Variants in WNT2 observed in about 807,000 individuals in gnomAD.
The protein encoded by WNT2 is protein Wnt-2.
WNT2 carries 12 observed loss-of-function variants against 36.9 expected under a neutral mutation model. The ratio of observed to expected loss-of-function variants is 0.33; its 90% confidence interval spans 0.21 to 0.53. WNT2 has a LOEUF of 0.53. Ranked by LOEUF, WNT2 falls within the 20% of genes least tolerant of loss-of-function variation. The pLI, the probability that WNT2 is intolerant of heterozygous loss-of-function variation, is 0.95. For synonymous variants in WNT2, 163 were observed against 174.6 expected, an observed-to-expected ratio of 0.93 and a Z score of 0.52; for missense variants, 379 against 473.1, an observed-to-expected ratio of 0.80 and a Z score of 1.84.
rs902671668 is a variant in WNT2 at position 117,275,524 on chromosome 7, A to G, written c.*2631T>C. Among the ~76,000 whole-genome samples the G allele has an allele frequency of 2.0e-5, 3 of 152,206 alleles. No homozygotes were observed. The highest frequency in any genetic ancestry group is 7.2e-5 in the African/African-American group (3 of 41,454). On this transcript the variant is annotated 3_prime_UTR_variant, in exon 5 of 5. Transcript: ENST00000265441. The stretch of plus-strand genomic sequence containing the variant: ...ATTATCTTGGACCTAGAAAACTTCA[A>G]TTTATAGTAAGATTTTAATAAAGAG...
intron 3 of WNT2, 120 bp downstream of exon 3, chr7:117,314,951 C>G: frequency 7.1e-7 from 1 of 1,407,880 alleles, no homozygotes; most frequent in Non-Finnish European, 9.7e-7. Flanking sequence ...GGCTGGGGGA[C>G]AGTAGGAAGT....
At position 117,284,216 on chromosome 7, in the gene WNT2, C is replaced by T. The variant is rs897980009; in HGVS notation, c.854-5832G>A. 6.6e-6 allele frequency among the ~76,000 whole-genome samples: 1 copy of T among 152,192 alleles called. No homozygotes were observed. On this transcript the variant is annotated intron_variant, in intron 4 of 4. Transcript: ENST00000265441. This position sits in a 1 kb window ranked among gnomAD's most constrained non-coding sequence, Gnocchi z 5.2. ...AGAGTGCAGAATCTATACAAAATCG[C>T]TGGCATTACTTTCCCCTTAATGAAT...
chr7:117,320,865 A>G, intron 1 of WNT2, 72 bp from the exon 2 acceptor site: 4 of 1,329,338 alleles, frequency 3.0e-6, no homozygotes, highest in Non-Finnish European at 4.2e-6. Context: ...TTCCTGGGAG[A>G]CTAAGGAGTT....
intron 3 of WNT2, among the ~76,000 whole-genome samples, chr7:117,304,203 T>C (rs190283783): frequency 1.6e-4 from 24 of 152,334 alleles, no homozygotes; most frequent in African/African-American, 4.6e-4. Context: ...TTTGAAAGTA[T>C]ACCTCCACAG....
chr7:117,296,928 G>A (rs530368439), intron 4 of WNT2, among the ~76,000 whole-genome samples: 1 of 152,298 alleles, frequency 6.6e-6, no homozygotes, highest in East Asian at 1.9e-4. Context: ...GAAAAGAGCA[G>A]GGAAGGTGAA....
chr7:117,315,305 T>A lies in WNT2; in HGVS notation c.354A>T (p.Gly118=), dbSNP rs1408188345. The part of the protein sequence containing the change: ...SAFVYAISSA[G]VVFAITRACS... Reference sequence around the variant, plus strand: ...AGGCCCTGGTGATGGCAAATACAACTCCAGCTGAGGAGATGGCATAAACAA... The same window carrying A: ...AGGCCCTGGTGATGGCAAATACAACACCAGCTGAGGAGATGGCATAAACAA... The change falls in exon 3 of 5, where the codon GGA becomes GGT. Residue 118 remains glycine (G), a synonymous_variant. Transcript: ENST00000265441. The A allele has an allele frequency of 6.2e-7, 1 of 1,614,008 alleles. No individual in the cohort carries two copies. Among genetic ancestry groups the A allele is most frequent in the East Asian group, 2.2e-5 (1 of 44,892 alleles).
chr7:117,297,852 C>G lies in WNT2; in HGVS notation c.613G>C (p.Glu205Gln). ...CCGCTCACCCCGTGGCACTTGCACT[C>G]TTGTTTCAAGAACCGCTTTACAGCC... ...RKAVKRFLKQ[E>Q]CKCHGVSGSC... The change falls in exon 4 of 5, where the codon GAG becomes CAG. Residue 205 changes from glutamate to glutamine, a missense_variant. Transcript: ENST00000265441. 1 of 1,612,988 alleles carries G rather than the reference C, an allele frequency of 6.2e-7. No individual in the cohort carries two copies. Among genetic ancestry groups the G allele is most frequent in the Non-Finnish European group, 8.5e-7 (1 of 1,179,092 alleles).
Position 117,315,074 on chromosome 7 carries a change from C to T in WNT2, c.585G>A (p.Arg195=). Residue 195 remains arginine (R), a synonymous_variant, in exon 3 of 5, where the codon AGG becomes AGA. Transcript: ENST00000265441. ...GAGCACCGTTGCATTTCCATACCTT[C>T]CTGCCAGCTCTGTTGTTGTGAAGAT... ...LMNLHNNRAG[R]KAVKRFLKQE... 1 of 1,613,916 alleles carries T rather than the reference C, an allele frequency of 6.2e-7. No homozygotes were observed. The highest frequency in any genetic ancestry group is 1.3e-5 in the African/African-American group (1 of 75,074).
rs1427251782 is a variant in WNT2 at position 117,275,681 on chromosome 7, C to CT, written c.*2473dup. ...TGGAATACTGATCCTCTACCAAGCT[C>CT]TAAGGCAAAGGAGTTTAAAATTACC... On this transcript the variant is annotated 3_prime_UTR_variant, in exon 5 of 5. Coordinates refer to ENST00000265441, the MANE Select transcript of WNT2 (RefSeq NM_003391.3). Among the ~76,000 whole-genome samples, 1 of 152,196 alleles carries CT rather than the reference C, an allele frequency of 6.6e-6. No individual in the cohort carries two copies. Among genetic ancestry groups the CT allele is most frequent in the Non-Finnish European group, 1.5e-5 (1 of 68,034 alleles).
rs1417386331 is a variant in WNT2 at position 117,322,360 on chromosome 7, CT to C, written c.83+546del. 1 of 155,974 alleles carries C rather than the reference CT, an allele frequency of 6.4e-6. No individual in the cohort carries two copies. The highest frequency in any genetic ancestry group is 1.9e-4 in the East Asian group (1 of 5,226). 9.7% of individuals were successfully genotyped at this position (155,974 alleles called of 1,614,324 possible). ...CTCTAACTGGAGGCAGCAAAATGTT[CT>C]TCCGCCCCACTGGGGTGAACCTGGA... On this transcript the variant is annotated intron_variant, in intron 1 of 4. Coordinates refer to ENST00000265441, the MANE Select transcript of WNT2 (RefSeq NM_003391.3). The surrounding 1 kb of genome is among the most constrained non-coding windows in gnomAD (Gnocchi z 5.4).
intron 4 of WNT2, among the ~76,000 whole-genome samples, chr7:117,279,905 TC>T (rs1160148519): frequency 6.6e-6 from 1 of 152,188 alleles, no homozygotes; most frequent in African/African-American, 2.4e-5. Context: ...AGGAATGTCT[TC>T]CTTTTGATAT....
chr7:117,306,843 G>T (rs1382298121), intron 3 of WNT2, among the ~76,000 whole-genome samples: 2 of 152,122 alleles, frequency 1.3e-5, no homozygotes, highest in Non-Finnish European at 2.9e-5. Context: ...AGGACAGCAG[G>T]ACTCTTTTGG....
intron 4 of WNT2, among the ~76,000 whole-genome samples, chr7:117,285,027 A>T (rs912057326): frequency 6.6e-6 from 1 of 152,226 alleles, no homozygotes; most frequent in Non-Finnish European, 1.5e-5. Context: ...CTGCTTTATA[A>T]CATTATGTGA....
intron 3 of WNT2, among the ~76,000 whole-genome samples, chr7:117,306,803 G>A (rs1048674325): frequency 2.6e-5 from 4 of 152,152 alleles, no homozygotes; most frequent in Non-Finnish European, 4.4e-5. Flanking sequence ...ACATAGCTAT[G>A]CTAAAAAAGT....
chr7:117,315,203 A>G lies in WNT2; in HGVS notation c.456T>C (p.Phe152=). 6.2e-7 allele frequency: 1 copy of G among 1,614,160 alleles called. No homozygotes were observed. The highest frequency in any genetic ancestry group is 1.1e-5 in the South Asian group (1 of 91,066). ...TGTTATCACTGCAGCCACCCCAATC[A>G]AAAATGCCTTTGCTGTCCTTGGCGC... ...MGSAKDSKGI[F]DWGGCSDNID... Residue 152 remains phenylalanine (F), a synonymous_variant, in exon 3 of 5, where the codon TTT becomes TTC. Transcript: ENST00000265441.
intron 4 of WNT2, among the ~76,000 whole-genome samples, chr7:117,289,593 G>A (rs1197285829): frequency 6.6e-6 from 1 of 152,206 alleles, no homozygotes; most frequent in African/African-American, 2.4e-5. Context: ...CTAACACACA[G>A]AAGAATGCAG....
At chr7:117,309,034 A>G (rs1160788940) in intron 3 of WNT2, among the ~76,000 whole-genome samples, 1 of 151,860 alleles carries the variant, frequency 6.6e-6, no homozygotes, top group Non-Finnish European at 1.5e-5. Context: ...ACATAAAAAA[A>G]AAAAAAAAAT....
At chr7:117,281,594 A>G (rs761611288) in intron 4 of WNT2, among the ~76,000 whole-genome samples, 56 of 152,114 alleles carry the variant, frequency 3.7e-4, no homozygotes, top group Admixed American at 2.0e-4. Flanking sequence ...TGGGTGGTGG[A>G]CCTGTCTAGA....
Position 117,284,161 on chromosome 7 carries a change from T to G in WNT2, c.854-5777A>C, listed in dbSNP as rs1044009342. On this transcript the variant is annotated intron_variant, in intron 4 of 4. Transcript: ENST00000265441. The surrounding 1 kb of genome is among the most constrained non-coding windows in gnomAD (Gnocchi z 5.2). ...GTCATTTTAGCAGAACATACAGCCA[T>G]TTCATAGAAACCCTGAAAAGAACAT... Among the ~76,000 whole-genome samples the G allele has an allele frequency of 6.6e-6, 1 of 152,212 alleles. No individual in the cohort carries two copies. Among genetic ancestry groups the G allele is most frequent in the African/African-American group, 2.4e-5 (1 of 41,450 alleles).
Sources: gnomAD v4.1 joint callset for allele counts (sites outside exome capture counted in the v4.1 genomes callset) on GRCh38, gnomAD v4.1.1 for gene constraint, Gnocchi (gnomAD v3.1) non-coding constraint, MANE v1.5 for transcripts, NCBI Gene and HGNC (gene_info 2026-07-23, HGNC 2026-07-21) for gene names.